The following SPG11 variants were observed in gnomAD, a reference collection of about 807,000 sequenced individuals.
The protein encoded by SPG11 is spatacsin.
SPG11 carries 222 observed loss-of-function variants against 274.0 expected under a neutral mutation model. That is an observed-to-expected ratio of 0.81 (90% CI 0.73 to 0.91). The LOEUF (loss-of-function observed/expected upper bound fraction) is 0.91. Ranked by LOEUF, SPG11 falls within the 40% of genes least tolerant of loss-of-function variation. The pLI is 0.00. For missense variants in SPG11, 3,114 were observed against 2,872.7 expected, an observed-to-expected ratio of 1.08 and a Z score of -1.92; for synonymous variants, 1,144 against 1,039.7, an observed-to-expected ratio of 1.10 and a Z score of -1.93.
At chr15:44,648,801 A>G in intron 7 of SPG11, 65 bp downstream of exon 7, 1 of 1,540,942 alleles carries the variant, frequency 6.5e-7, no homozygotes, top group Non-Finnish European at 9.0e-7. Context: ...CTCAAATCCT[A>G]AATCGAATAA....
intron 11 of SPG11, among the ~76,000 whole-genome samples, chr15:44,626,111 T>TA (rs745942116): frequency 4.1e-4 from 62 of 152,160 alleles, no homozygotes; most frequent in Admixed American, 7.2e-4. Context: ...TTCCTGGCCT[T>TA]AAGCGATCTT....
chr15:44,640,008 A>G (rs1464887786), intron 7 of SPG11, among the ~76,000 whole-genome samples: 2 of 152,164 alleles, frequency 1.3e-5, no homozygotes, highest in East Asian at 1.9e-4. Flanking sequence ...CAAGAGATCG[A>G]GACCAGCCTG....
At chr15:44,640,272 AAC>A (rs1490220691) in intron 7 of SPG11, among the ~76,000 whole-genome samples, 1 of 152,158 alleles carries the variant, frequency 6.6e-6, no homozygotes, top group African/African-American at 2.4e-5. Flanking sequence ...ATATACACAC[AAC>A]ACACACACCA....
At chr15:44,598,212 A>T (rs1295968305) in intron 23 of SPG11, 53 bp downstream of exon 23, 3 of 1,347,024 alleles carry the variant, frequency 2.2e-6, no homozygotes, top group African/African-American at 1.4e-5. Context: ...AGGCAAACAC[A>T]GGTTGGCACA....
rs1265340667 is a variant in SPG11 at position 44,563,217 on chromosome 15, G to GTAAT, written c.7232_7235dup (p.Tyr2412Ter). The GTAAT allele has an allele frequency of 6.2e-7, 1 of 1,613,948 alleles. No homozygotes were observed. The highest frequency in any genetic ancestry group is 1.3e-5 in the African/African-American group (1 of 74,944). On this transcript the variant is annotated stop_gained and frameshift_variant, in exon 40 of 40. Coordinates refer to ENST00000261866, the MANE Select transcript of SPG11 (RefSeq NM_025137.4). LOFTEE classifies it high-confidence loss of function. ...AAAACTTGTGTTCGTATGCCAACTT[G>GTAAT]TAATACAGGTAAACATCTTCACAAT...
intron 39 of SPG11, among the ~76,000 whole-genome samples, chr15:44,563,949 T>C (rs2082253970): frequency 2.0e-5 from 3 of 152,204 alleles, no homozygotes; most frequent in African/African-American, 7.2e-5. Context: ...GCTTACCTTA[T>C]AGAGTAAGTT....
intron 8 of SPG11, among the ~76,000 whole-genome samples, chr15:44,630,895 A>G (rs11070431): frequency 0.065 from 9,833 of 152,210 alleles, 495 homozygotes; most frequent in African/African-American, 0.14. Context: ...GTGTTTTTAA[A>G]AGAAAATATC....
chr15:44,598,452 C>T lies in SPG11; in HGVS notation c.3893-79G>A. 9 of 1,388,564 alleles carry T rather than the reference C, an allele frequency of 6.5e-6. No individual in the cohort carries two copies. In the South Asian group the frequency reaches 1.1e-4, roughly 16 times the overall value. The allele number at this position is 1,388,564 out of a possible 1,614,324, so 86.0% of individuals were successfully genotyped here. ...GCATTTCTGTTTGAATAGTGTGGCT[C>T]AGGGCCATTTCAGAACCCAATTAAA... is the stretch of plus-strand genomic sequence containing the variant. On this transcript the variant is annotated intron_variant, in intron 22 of 39. Coordinates refer to ENST00000261866, the MANE Select transcript of SPG11 (RefSeq NM_025137.4).
rs144916105 is a variant in SPG11, at chr15:44,616,453, C to T, written c.2835-887G>A. On this transcript the variant is annotated intron_variant, in intron 15 of 39. Coordinates refer to ENST00000261866, the MANE Select transcript of SPG11 (RefSeq NM_025137.4). ...ACTCAAGCAATCCTCCTGCCTAGGCCTCCCAAAGTGTTGGGATTACAGGTG... is the reference window on the plus strand; with the variant it reads ...ACTCAAGCAATCCTCCTGCCTAGGCTTCCCAAAGTGTTGGGATTACAGGTG... Among the ~76,000 whole-genome samples the T allele has an allele frequency of 4.4e-3, 669 of 152,256 alleles. 3 individuals carry two copies. The highest frequency in any genetic ancestry group is 0.016 in the African/African-American group (648 of 41,538).
intron 15 of SPG11, among the ~76,000 whole-genome samples, chr15:44,618,023 C>G (rs1305712837): frequency 6.6e-6 from 1 of 151,716 alleles, no homozygotes; most frequent in Non-Finnish European, 1.5e-5. Context: ...TGTCATAATC[C>G]ACAAAACAAA....
chr15:44,595,150 CTGT>C lies in SPG11; in HGVS notation c.4635+106_4635+108del. On this transcript the variant is annotated intron_variant, in intron 26 of 39. Transcript: ENST00000261866. ...GTACTTCTAATATTATCATCATTAT[CTGT>C]TGTTGGCTAAAAAAAAATCCAGGGA... The C allele has an allele frequency of 2.8e-6, 3 of 1,055,488 alleles. No individual in the cohort carries two copies. The Admixed American group carries it at 6.0e-5, about 21-fold the overall frequency. The allele number at this position is 1,055,488 out of a possible 1,614,324, so 65.4% of individuals were successfully genotyped here.
rs182047409 is a variant in SPG11, at chr15:44,569,701, G to A, written c.6478-196C>T. On this transcript the variant is annotated intron_variant, in intron 34 of 39. Transcript: ENST00000261866. Reference sequence around the variant, plus strand: ...GAGGATTCAGAAATGTCAGTCACTGGGCCACCACTGGCTGTTCTTTTTTTT... The same window carrying A: ...GAGGATTCAGAAATGTCAGTCACTGAGCCACCACTGGCTGTTCTTTTTTTT... Among the ~76,000 whole-genome samples, 9 of 152,024 alleles carry A rather than the reference G, an allele frequency of 5.9e-5. No homozygotes were observed. In the East Asian group the frequency reaches 1.7e-3, roughly 29 times the overall value.
chr15:44,600,307 G>A, intron 21 of SPG11, 160 bp downstream of exon 21: 2 of 704,286 alleles, frequency 2.8e-6, no homozygotes, highest in Non-Finnish European at 2.4e-6. Flanking sequence ...TTGTTTTAGT[G>A]GCAGAGCCTC....
intron 27 of SPG11, among the ~76,000 whole-genome samples, chr15:44,589,870 A>G (rs1442688758): frequency 6.6e-6 from 1 of 152,228 alleles, no homozygotes; most frequent in Non-Finnish European, 1.5e-5. Flanking sequence ...CAGTGGTGCA[A>G]TCTTGGCTCA....
At chr15:44,623,141 A>C (rs2083801160) in intron 11 of SPG11, among the ~76,000 whole-genome samples, 2 of 151,630 alleles carry the variant, frequency 1.3e-5, no homozygotes, top group Admixed American at 6.6e-5. Flanking sequence ...TAGAGATGGG[A>C]TTTCTTCCTG....
chr15:44,645,886 A>G (rs1245861712), intron 7 of SPG11, among the ~76,000 whole-genome samples: 2 of 152,204 alleles, frequency 1.3e-5, no homozygotes, highest in East Asian at 3.8e-4. Context: ...AAAATGCTCA[A>G]TATCACTTAA....
intron 17 of SPG11, among the ~76,000 whole-genome samples, chr15:44,612,034 C>G (rs1053670743): frequency 6.6e-6 from 1 of 152,146 alleles, no homozygotes; most frequent in African/African-American, 2.4e-5. Context: ...TGGCCTCGAT[C>G]TCCTGACCTC....
chr15:44,575,371 G>A (rs978321772), intron 30 of SPG11: 2 of 272,230 alleles, frequency 7.3e-6, no homozygotes, highest in African/African-American at 4.3e-5. Flanking sequence ...AAGTATAGCT[G>A]ACTATCTCCA....
chr15:44,622,308 C>CT lies in SPG11; in HGVS notation c.2355dup (p.Glu786ArgfsTer12). ...TGCACGAAGTCTATAGTTCTTTTCT[C>CT]TTTTTCAGAAAAATAATTTTTTTCT... On this transcript the variant is annotated frameshift_variant, in exon 13 of 40. Coordinates refer to ENST00000261866, the MANE Select transcript of SPG11 (RefSeq NM_025137.4). LOFTEE classifies it high-confidence loss of function. 1 of 1,566,382 alleles carries CT rather than the reference C, an allele frequency of 6.4e-7. No homozygotes were observed. The highest frequency in any genetic ancestry group is 8.7e-7 in the Non-Finnish European group (1 of 1,145,286).
Sources: gnomAD v4.1 joint callset for allele counts (sites outside exome capture counted in the v4.1 genomes callset) on GRCh38, gnomAD v4.1.1 for gene constraint, MANE v1.5 for transcripts, NCBI Gene and HGNC (gene_info 2026-07-23, HGNC 2026-07-21) for gene names.